NTRK2: variants seen among roughly 807,000 people sequenced by gnomAD.
The protein encoded by NTRK2 is neurotrophic receptor tyrosine kinase 2, also known as BDNF/NT-3 growth factors receptor.
NTRK2 carries 13 observed loss-of-function variants against 94.5 expected under a neutral mutation model. The ratio of observed to expected loss-of-function variants is 0.14; its 90% CI spans 0.09 to 0.22. The LOEUF is 0.22. Among genes scored for constraint, NTRK2 ranks in the 10% least tolerant of loss-of-function variants. The pLI, the probability that NTRK2 is intolerant of heterozygous loss-of-function variation, is 1.00. For missense variants in NTRK2, 639 were observed against 1,071.2 expected, an observed-to-expected ratio of 0.60 and a Z score of 5.63; for synonymous variants, 372 against 407.4, an observed-to-expected ratio of 0.91 and a Z score of 1.05.
At chr9:84,816,512 G>A (rs955120138) in intron 12 of NTRK2, among the ~76,000 whole-genome samples, 4 of 151,948 alleles carry the variant, frequency 2.6e-5, no homozygotes, top group Non-Finnish European at 4.4e-5. Flanking sequence ...TGGGCGTGGC[G>A]GCTCACACCT....
At chr9:84,735,323 G>C (rs962110770) in intron 9 of NTRK2, among the ~76,000 whole-genome samples, 1 of 152,068 alleles carries the variant, frequency 6.6e-6, no homozygotes, top group African/African-American at 2.4e-5. Flanking sequence ...AAACTCCTGG[G>C]GACCCTGTTA....
intron 14 of NTRK2, among the ~76,000 whole-genome samples, chr9:84,914,664 A>AC (rs1374435447): frequency 1.3e-5 from 2 of 152,202 alleles, no homozygotes; most frequent in African/African-American, 4.8e-5. Flanking sequence ...TTCTTGTCTA[A>AC]GAGTTTTCTG....
rs889856499 is a variant in NTRK2, at chr9:84,945,346, G to T, written c.1765-3116G>T. On this transcript the variant is annotated intron_variant, in intron 15 of 18. Transcript: ENST00000277120. ...CAGCAGGTGATAAAAGGGTGAACAG[G>T]ACACACTTCGACTGTCAAAGGCAGG... Among the ~76,000 whole-genome samples, 6 of 152,262 alleles carry T rather than the reference G, an allele frequency of 3.9e-5. No homozygotes were observed. The East Asian group carries it at 7.7e-4, about 20-fold the overall frequency.
intron 14 of NTRK2, among the ~76,000 whole-genome samples, chr9:84,900,956 G>A (rs964925411): frequency 3.9e-5 from 6 of 152,096 alleles, no homozygotes; most frequent in African/African-American, 9.7e-5. Context: ...GTAAGGAGCC[G>A]GTTGTGCTAA....
At chr9:84,743,752 T>C (rs1427467891) in intron 10 of NTRK2, among the ~76,000 whole-genome samples, 2 of 152,212 alleles carry the variant, frequency 1.3e-5, no homozygotes, top group African/African-American at 4.8e-5. Flanking sequence ...ACTTGAATGA[T>C]TTAAATTTTG....
intron 14 of NTRK2, among the ~76,000 whole-genome samples, chr9:84,896,544 T>C (rs774459840): frequency 6.6e-6 from 1 of 152,232 alleles, no homozygotes; most frequent in Non-Finnish European, 1.5e-5. Flanking sequence ...TGATTTAGTG[T>C]CCTGAAGGAT....
intron 12 of NTRK2, among the ~76,000 whole-genome samples, chr9:84,841,725 C>T (rs933569455): frequency 3.3e-5 from 5 of 152,196 alleles, no homozygotes; most frequent in Non-Finnish European, 5.9e-5. Context: ...GAGCACTTGC[C>T]ACTCTCAGAT....
intron 12 of NTRK2, chr9:84,813,199 A>T (rs2072005844): frequency 1.9e-6 from 2 of 1,049,250 alleles, no homozygotes; most frequent in South Asian, 9.2e-5. Flanking sequence ...TCCTAAATGA[A>T]CAGAATGATC....
chr9:84,909,551 A>G (rs1230481887), intron 14 of NTRK2, among the ~76,000 whole-genome samples: 2 of 151,914 alleles, frequency 1.3e-5, no homozygotes, highest in African/African-American at 4.8e-5. Flanking sequence ...TTCCACCAGC[A>G]ATGTATGAGT....
chr9:84,918,643 A>T (rs1460534223), intron 14 of NTRK2, among the ~76,000 whole-genome samples: 4 of 152,234 alleles, frequency 2.6e-5, no homozygotes, highest in African/African-American at 9.6e-5. Flanking sequence ...CAACTCTGTG[A>T]TCACTTAATT....
intron 17 of NTRK2, among the ~76,000 whole-genome samples, chr9:84,990,727 T>C (rs1828950495): frequency 6.6e-6 from 1 of 152,134 alleles, no homozygotes; most frequent in South Asian, 2.1e-4. Context: ...TCCTGAACAC[T>C]GGGGTGTTTC....
At chr9:84,688,256 A>G (rs535630637) in intron 2 of NTRK2, among the ~76,000 whole-genome samples, 7 of 152,314 alleles carry the variant, frequency 4.6e-5, no homozygotes, top group African/African-American at 1.2e-4. Flanking sequence ...CCTGGGCCCA[A>G]TGCTCAGGGC....
intron 12 of NTRK2, among the ~76,000 whole-genome samples, chr9:84,767,581 T>G (rs372882875): frequency 7.2e-5 from 11 of 152,302 alleles, no homozygotes; most frequent in African/African-American, 2.4e-4. Flanking sequence ...AAAATATGGT[T>G]TTCTGTCTCA....
intron 6 of NTRK2, among the ~76,000 whole-genome samples, chr9:84,715,044 A>T (rs2061630187): frequency 6.6e-6 from 1 of 152,186 alleles, no homozygotes; most frequent in Admixed American, 6.5e-5. Context: ...TTCATCATAG[A>T]GATATTATAT....
At chr9:84,747,473 G>GTTTT (rs766939495) in intron 11 of NTRK2, among the ~76,000 whole-genome samples, 23 of 122,364 alleles carry the variant, frequency 1.9e-4, no homozygotes, top group South Asian at 5.5e-4. Flanking sequence ...AGTTTTCTGG[G>GTTTT]TTTTTTTTTT....
intron 12 of NTRK2, among the ~76,000 whole-genome samples, chr9:84,780,454 C>A (rs1361110788): frequency 6.6e-6 from 1 of 152,132 alleles, no homozygotes; most frequent in Non-Finnish European, 1.5e-5. Flanking sequence ...TCCCGGACTT[C>A]CACATATTTT....
intron 12 of NTRK2, among the ~76,000 whole-genome samples, chr9:84,763,122 A>G (rs185843583): frequency 5.4e-4 from 82 of 152,274 alleles, no homozygotes; most frequent in Non-Finnish European, 8.8e-5. Flanking sequence ...CTGCGTAGAC[A>G]TACTATGCAG....
intron 2 of NTRK2, among the ~76,000 whole-genome samples, chr9:84,691,243 A>T (rs377336560): frequency 3.9e-5 from 6 of 152,246 alleles, no homozygotes; most frequent in East Asian, 3.8e-4. Context: ...CACAGTTTTT[A>T]TGAAAAATCC....
At chr9:84,912,238 T>C (rs1284313404) in intron 14 of NTRK2, among the ~76,000 whole-genome samples, 3 of 152,200 alleles carry the variant, frequency 2.0e-5, no homozygotes, top group Non-Finnish European at 4.4e-5. Flanking sequence ...GAGTAGAGTA[T>C]CCTAGAAATG....
Sources: allele counts gnomAD v4.1 joint callset (sites outside exome capture counted in the v4.1 genomes callset), GRCh38; gene constraint gnomAD v4.1.1; transcripts MANE v1.5; gene names NCBI Gene and HGNC (gene_info 2026-07-23, HGNC 2026-07-21).